The following ACAP2 variants were observed in gnomAD, a reference collection of about 807,000 sequenced individuals.
The protein encoded by ACAP2 is ArfGAP with coiled-coil, ankyrin repeat and PH domains 2, also known as arf-GAP with coiled-coil, ANK repeat and PH domain-containing protein 2.
ACAP2 carries 39 observed loss-of-function variants against 115.8 expected under a neutral mutation model. That is an observed-to-expected ratio of 0.34 (90% CI 0.26 to 0.44). ACAP2 has a LOEUF of 0.44. ACAP2 is among the 20% of genes least tolerant of loss of function. The pLI is 1.00. For missense variants in ACAP2, 662 were observed against 927.6 expected (o/e 0.71, Z 3.72); for synonymous variants, 289 against 315.8 (o/e 0.92, Z 0.90).
At chr3:195,339,752 T>G (rs905938000) in intron 6 of ACAP2, among the ~76,000 whole-genome samples, 19 of 151,992 alleles carry the variant, frequency 1.3e-4, no homozygotes, top group Non-Finnish European at 2.2e-4. Flanking sequence ...AACTTACATA[T>G]GGACATCCAA....
intron 8 of ACAP2, among the ~76,000 whole-genome samples, chr3:195,327,177 C>G (rs1729852104): frequency 6.6e-6 from 1 of 152,042 alleles, no homozygotes; most frequent in Non-Finnish European, 1.5e-5. Flanking sequence ...TAAAAATTTC[C>G]AAGAACAGTC....
chr3:195,291,928 T>C (rs912802754), intron 19 of ACAP2, 113 bp from the exon 20 acceptor site: 1 of 889,942 alleles, frequency 1.1e-6, no homozygotes. Context: ...TCCATTTCCT[T>C]CTCTCCAAAA....
intron 10 of ACAP2, among the ~76,000 whole-genome samples, chr3:195,309,821 G>T (rs1728644828): frequency 6.6e-6 from 1 of 151,926 alleles, no homozygotes; most frequent in Non-Finnish European, 1.5e-5. Flanking sequence ...TAAATTATTA[G>T]ACAAACAATT....
chr3:195,346,454 G>A (rs1731193880), intron 4 of ACAP2, among the ~76,000 whole-genome samples: 1 of 152,102 alleles, frequency 6.6e-6, no homozygotes, highest in African/African-American at 2.4e-5. Context: ...TATTAAAAAG[G>A]TAATCTGTGA....
Position 195,431,981 on chromosome 3 carries a change from G to A in ACAP2, c.53+10814C>T, listed in dbSNP as rs116801400. Among the ~76,000 whole-genome samples, 340 of 152,150 alleles carry A rather than the reference G, an allele frequency of 2.2e-3. 2 individuals carry two copies. The highest frequency in any genetic ancestry group is 8.0e-3 in the African/African-American group (331 of 41,514). On this transcript the variant is annotated intron_variant, in intron 1 of 22. Coordinates refer to ENST00000326793, the MANE Select transcript of ACAP2 (RefSeq NM_012287.6). Reference sequence around the variant, plus strand: ...AATGATGTTGAGCATATTTTCATGTGCTTATTGACCATTTGGGTATGTTCT... The same window carrying A: ...AATGATGTTGAGCATATTTTCATGTACTTATTGACCATTTGGGTATGTTCT...
chr3:195,279,837 T>A (rs1040411896), intron 22 of ACAP2: 1 of 153,214 alleles, frequency 6.5e-6, no homozygotes, highest in African/African-American at 2.4e-5. Context: ...TACTAATGTT[T>A]TGGATGGATG....
chr3:195,368,159 T>G (rs1188771725), intron 4 of ACAP2, among the ~76,000 whole-genome samples: 1 of 152,192 alleles, frequency 6.6e-6, no homozygotes, highest in Non-Finnish European at 1.5e-5. Flanking sequence ...TTTGTTTGTT[T>G]CTGTTTCTGA....
At chr3:195,322,502 T>G (rs745788422) in intron 9 of ACAP2, among the ~76,000 whole-genome samples, 17 of 152,188 alleles carry the variant, frequency 1.1e-4, no homozygotes, top group Non-Finnish European at 2.4e-4. Flanking sequence ...CTGACACCTT[T>G]GAAACTTTAA....
chr3:195,285,214 G>T (rs1205371591), intron 22 of ACAP2: 1 of 152,134 alleles, frequency 6.6e-6, no homozygotes, highest in Non-Finnish European at 1.5e-5. Flanking sequence ...TCTCCACCTG[G>T]TGAATTTTCA....
chr3:195,340,312 C>A (rs911599878), intron 6 of ACAP2, among the ~76,000 whole-genome samples: 1 of 151,026 alleles, frequency 6.6e-6, no homozygotes, highest in Non-Finnish European at 1.5e-5. Flanking sequence ...AAAAGTGACA[C>A]CATTCAATTA....
rs548901688 is a variant in ACAP2, at chr3:195,342,543, A to C, written c.456T>G (p.Val152=). The change falls in exon 6 of 23, where the codon GTT becomes GTG. Residue 152 remains valine, a synonymous_variant. Coordinates refer to ENST00000326793, the MANE Select transcript of ACAP2 (RefSeq NM_012287.6). Reference sequence around the variant, plus strand: ...CTGTCAGAATGTTGGTGGCTTCTTCAACTTCATGTTGTTTGTTTCTTTGTA... The same window carrying C: ...CTGTCAGAATGTTGGTGGCTTCTTCCACTTCATGTTGTTTGTTTCTTTGTA... The part of the protein sequence containing the change: ...AQVQRNKQHE[V]EEATNILTAT... 2.0e-4 allele frequency: 329 copies of C among 1,612,964 alleles called. No homozygotes were observed. The South Asian group carries it at 3.4e-3, about 17-fold the overall frequency.
At chr3:195,285,473 C>T (rs563927395) in intron 22 of ACAP2, 1 of 243,534 alleles carries the variant, frequency 4.1e-6, no homozygotes, top group Non-Finnish European at 7.8e-6. Flanking sequence ...ATATTTTTAC[C>T]ATTCCATTCA....
chr3:195,402,340 T>A (rs921109320), intron 1 of ACAP2, among the ~76,000 whole-genome samples: 12 of 152,256 alleles, frequency 7.9e-5, no homozygotes, highest in African/African-American at 2.9e-4. Context: ...AGCCTTGTGA[T>A]TCCAATCTGC....
chr3:195,308,842 A>G lies in ACAP2; in HGVS notation c.858-5T>C. On this transcript the variant is annotated splice_polypyrimidine_tract_variant and splice_region_variant and intron_variant, in intron 10 of 22. Coordinates refer to ENST00000326793, the MANE Select transcript of ACAP2 (RefSeq NM_012287.6). ...TTCTGTATTGAAAACCAGCGCCTAC[A>G]GAAACACAAAATAGATTAAGTTTTC... 1 of 1,605,482 alleles carries G rather than the reference A, an allele frequency of 6.2e-7. No individual in the cohort carries two copies. Among genetic ancestry groups the G allele is most frequent in the South Asian group, 1.1e-5 (1 of 88,438 alleles).
intron 1 of ACAP2, among the ~76,000 whole-genome samples, chr3:195,422,088 TTA>T (rs1714236984): frequency 6.6e-6 from 1 of 152,144 alleles, no homozygotes; most frequent in South Asian, 2.1e-4. Flanking sequence ...GTATCAGAGG[TTA>T]TGTTTTTTAA....
chr3:195,317,725 G>A (rs1305289072), intron 10 of ACAP2, among the ~76,000 whole-genome samples: 1 of 152,044 alleles, frequency 6.6e-6, no homozygotes, highest in East Asian at 1.9e-4. Flanking sequence ...GTTTTTGGTA[G>A]CCATCAAGTT....
chr3:195,289,159 G>A lies in ACAP2; in HGVS notation c.2136C>T (p.Ser712=). Reference sequence around the variant, plus strand: ...CAGCATTGGCTGCTTCCACAGCTATGCTCAAAGGGTCTTTCCCTTCTTCAT... The same window carrying A: ...CAGCATTGGCTGCTTCCACAGCTATACTCAAAGGGTCTTTCCCTTCTTCAT... The part of the protein sequence containing the change: ...ATDEEGKDPL[S]IAVEAANADI... The change falls in exon 21 of 23, where the codon AGC becomes AGT. Residue 712 remains serine (S), a synonymous_variant. Transcript: ENST00000326793. The A allele has an allele frequency of 6.2e-7, 1 of 1,613,482 alleles. No homozygotes were observed. The highest frequency in any genetic ancestry group is 2.2e-5 in the East Asian group (1 of 44,826).
rs561807931 is a variant in ACAP2, at chr3:195,431,227, T to C, written c.53+11568A>G. The stretch of plus-strand genomic sequence containing the variant: ...GCATATAACAGTATTTCATTCCATT[T>C]GACAGCTGAATACCTTAATTCCATT... On this transcript the variant is annotated intron_variant, in intron 1 of 22. Coordinates refer to ENST00000326793, the MANE Select transcript of ACAP2 (RefSeq NM_012287.6). Among the ~76,000 whole-genome samples the C allele has an allele frequency of 1.1e-3, 166 of 152,246 alleles. 1 individual carries two copies. The highest frequency in any genetic ancestry group is 2.1e-3 in the Non-Finnish European group (140 of 68,044).
intron 1 of ACAP2, among the ~76,000 whole-genome samples, chr3:195,398,611 T>TG (rs1378047413): frequency 4.0e-5 from 6 of 151,214 alleles, no homozygotes; most frequent in African/African-American, 1.5e-4. Flanking sequence ...CACTCCAGCC[T>TG]GGGCAACAAG....
Sources: allele counts gnomAD v4.1 joint callset (sites outside exome capture counted in the v4.1 genomes callset), GRCh38; gene constraint gnomAD v4.1.1; transcripts MANE v1.5; gene names NCBI Gene and HGNC (gene_info 2026-07-23, HGNC 2026-07-21).